NF1: variants seen among roughly 807,000 people sequenced by gnomAD.
The protein encoded by NF1 is neurofibromin 1, also known as neurofibromin.
Under a neutral mutation model 325.7 loss-of-function variants are expected in NF1, and 122 were observed. That is an observed-to-expected ratio of 0.37 (90% confidence interval 0.32 to 0.44). The LOEUF is 0.44. NF1 is among the 20% of genes least tolerant of loss of function. The pLI, the probability that NF1 is intolerant of heterozygous loss-of-function variation, is 1.00. For synonymous variants in NF1, 1,091 were observed against 1,186.0 expected, an observed-to-expected ratio of 0.92 and a Z score of 1.65; for missense variants, 2,140 against 3,415.4, an observed-to-expected ratio of 0.63 and a Z score of 9.31.
chr17:31,290,818 C>A (rs538187294), intron 36 of NF1, among the ~76,000 whole-genome samples: 2 of 152,170 alleles, frequency 1.3e-5, no homozygotes, highest in East Asian at 3.9e-4. Context: ...CCAGCCTGGC[C>A]AACATGGTGA....
intron 13 of NF1, 131 bp from the exon 14 acceptor site, chr17:31,218,874 G>T: frequency 1.0e-6 from 1 of 954,768 alleles, no homozygotes; most frequent in Non-Finnish European, 1.6e-6. Context: ...GTCCAGCCTA[G>T]TTCTAGAACA....
At chr17:31,314,166 A>C in intron 36 of NF1, 1 of 394,622 alleles carries the variant, frequency 2.5e-6, no homozygotes, top group Admixed American at 4.4e-5. Context: ...AATAAACCAC[A>C]AAGTGACTAA....
At chr17:31,143,818 T>C (rs1597612029) in intron 1 of NF1, among the ~76,000 whole-genome samples, 2 of 151,996 alleles carry the variant, frequency 1.3e-5, no homozygotes, top group Middle Eastern at 3.4e-3. Context: ...TCTTTTCTTT[T>C]CTTTTTTTTG....
At chr17:31,186,487 C>T (rs1340024100) in intron 8 of NF1, among the ~76,000 whole-genome samples, 1 of 152,042 alleles carries the variant, frequency 6.6e-6, no homozygotes, top group Non-Finnish European at 1.5e-5. Flanking sequence ...GCCAGATGTG[C>T]GATTATATAC....
At chr17:31,350,384 G>A in intron 50 of NF1, 66 bp downstream of exon 50, 1 of 1,398,694 alleles carries the variant, frequency 7.1e-7, no homozygotes, top group South Asian at 1.2e-5. Flanking sequence ...AACTAATGGA[G>A]GCAAGCAGCA....
chr17:31,349,008 T>C, intron 48 of NF1, 112 bp from the exon 49 acceptor site: 1 of 1,347,794 alleles, frequency 7.4e-7, no homozygotes. Flanking sequence ...AAAGTAGGAG[T>C]TATATTTCCT....
chr17:31,102,647 A>C (rs1044486134), intron 1 of NF1, among the ~76,000 whole-genome samples: 1 of 151,686 alleles, frequency 6.6e-6, no homozygotes, highest in African/African-American at 2.4e-5. Context: ...AGGCAGGAAG[A>C]TCACTTGAAC....
At chr17:31,218,894 C>T in intron 13 of NF1, 111 bp from the exon 14 acceptor site, 1 of 1,094,476 alleles carries the variant, frequency 9.1e-7, no homozygotes, top group Non-Finnish European at 1.4e-6. Context: ...ATTGTTATCA[C>T]CCCTAAAAGA....
At chr17:31,331,515 G>A (rs1252176766) in intron 39 of NF1, 4 of 152,136 alleles carry the variant, frequency 2.6e-5, no homozygotes, top group Admixed American at 1.3e-4. Context: ...TAGTACAGAT[G>A]TCTGAACACT....
chr17:31,340,414 G>A (rs964965550), intron 46 of NF1, 91 bp from the exon 47 acceptor site: 1 of 1,529,598 alleles, frequency 6.5e-7, no homozygotes, highest in Non-Finnish European at 9.0e-7. Context: ...AATTTAGGAA[G>A]ATAAGCTGCT....
Position 31,374,316 on chromosome 17 carries a change from G to T in NF1, c.*161G>T. 1 of 907,812 alleles carries T rather than the reference G, an allele frequency of 1.1e-6. No individual in the cohort carries two copies. The allele number at this position is 907,812 out of a possible 1,614,324, so 56.2% of individuals were successfully genotyped here. ...GTTGCCAGATGATCAACTCTTCGAAGCCTTGCCTAAATTTAATGCTGCCTT... is the reference window on the plus strand; with the variant it reads ...GTTGCCAGATGATCAACTCTTCGAATCCTTGCCTAAATTTAATGCTGCCTT... On this transcript the variant is annotated 3_prime_UTR_variant, in exon 58 of 58. Coordinates refer to ENST00000358273, the MANE Select transcript of NF1 (RefSeq NM_001042492.3).
At chr17:31,337,229 C>G (rs1389188061) in intron 42 of NF1, 139 bp from the exon 43 acceptor site, 6 of 744,978 alleles carry the variant, frequency 8.1e-6, no homozygotes, top group East Asian at 5.4e-5. Context: ...TACAATGTAT[C>G]TAGAGGTTTG....
chr17:31,338,801 A>T lies in NF1; in HGVS notation c.6917A>T (p.Asn2306Ile). 7 of 1,595,822 alleles carry T rather than the reference A, an allele frequency of 4.4e-6. No individual in the cohort carries two copies. The highest frequency in any genetic ancestry group is 6.0e-6 in the Non-Finnish European group (7 of 1,163,444). ...IALTKLQPLL[N>I]KDSPLHKALF... The stretch of plus-strand genomic sequence containing the variant: ...CTAACCAAATTACAGCCACTTCTTA[A>T]TAAGGTAATTACTGTATAGAAAATG... Residue 2306 changes from asparagine (N) to isoleucine (I), a missense_variant, in exon 46 of 58, where the codon AAT (asparagine) becomes ATT (isoleucine). This residue lies in a region of NF1 where 522 missense variants were observed against 749.0 expected (regional missense o/e 0.70). Transcript: ENST00000358273.
rs1346818033 is a variant in NF1, at chr17:31,351,504, C to G, written c.7458-753C>G. On this transcript the variant is annotated intron_variant, in intron 50 of 57. Transcript: ENST00000358273. The stretch of plus-strand genomic sequence containing the variant: ...CAATCTCGGCTCACTACAACCTCCG[C>G]CTCCTGGGTTCAAGCGATTCTCCTG... 2.6e-5 allele frequency among the ~76,000 whole-genome samples: 4 copies of G among 152,166 alleles called. No homozygotes were observed. The East Asian group carries it at 7.7e-4, about 29-fold the overall frequency.
At chr17:31,095,399 G>A (rs1190297268) in intron 1 of NF1, 30 bp downstream of exon 1, 2 of 1,535,510 alleles carry the variant, frequency 1.3e-6, no homozygotes, top group Non-Finnish European at 1.7e-6. Context: ...CGGGAGGTGG[G>A]AGCGGAGTGG....
intron 57 of NF1, among the ~76,000 whole-genome samples, chr17:31,369,456 TTGGCTGCATG>T (rs2070591573): frequency 6.6e-6 from 1 of 152,214 alleles, no homozygotes; most frequent in East Asian, 1.9e-4. Context: ...ATGTTTGTAA[TTGGCTGCATG>T]TTTGACCACA....
At chr17:31,182,742 G>A (rs780436146) in intron 8 of NF1, 77 bp downstream of exon 8, 1 of 1,381,500 alleles carries the variant, frequency 7.2e-7, no homozygotes, top group Non-Finnish European at 1.0e-6. Flanking sequence ...ATTACTTTAG[G>A]CTTATTATTT....
intron 36 of NF1, chr17:31,278,128 A>G (rs2068042369): frequency 6.6e-6 from 1 of 152,152 alleles, no homozygotes; most frequent in African/African-American, 2.4e-5. Context: ...TAAAAAACAA[A>G]AATTAAGTTA....
chr17:31,174,995 G>A (rs2065993475), intron 5 of NF1, among the ~76,000 whole-genome samples: 1 of 150,110 alleles, frequency 6.7e-6, no homozygotes. Flanking sequence ...TGTAATCCCA[G>A]CTACTGGGGA....
Sources: allele counts gnomAD v4.1 joint callset (sites outside exome capture counted in the v4.1 genomes callset), GRCh38; gene constraint gnomAD v4.1.1; regional missense constraint gnomAD v4.1.1; transcripts MANE v1.5; gene names NCBI Gene and HGNC (gene_info 2026-07-23, HGNC 2026-07-21).